The following TIGD6 variants were observed in gnomAD, a reference collection of about 807,000 sequenced individuals.
TIGD6 encodes tigger transposable element-derived protein 6.
TIGD6 carries 1 observed loss-of-function variant against 2.6 expected under a neutral mutation model. The ratio of observed to expected loss-of-function variants is 0.39; its 90% confidence interval spans 0.14 to 1.85. The LOEUF (loss-of-function observed/expected upper bound fraction) is 1.85, where lower values mean the gene tolerates loss of function less well. Among genes scored for constraint, TIGD6 ranks in the 40% most tolerant of loss-of-function variants. The pLI is 0.32. For synonymous variants in TIGD6, 193 were observed against 221.9 expected (o/e 0.87, Z 1.16); for missense variants, 601 against 634.2 (o/e 0.95, Z 0.56).
chr5:149,994,412 T>C lies in TIGD6; in HGVS notation c.*371A>G, dbSNP rs750295950. 12 of 157,718 alleles carry C rather than the reference T, an allele frequency of 7.6e-5. No homozygotes were observed. Among genetic ancestry groups the C allele is most frequent in the Non-Finnish European group, 1.5e-4 (11 of 71,982 alleles). 9.8% of individuals were successfully genotyped at this position (157,718 alleles called of 1,614,324 possible). On this transcript the variant is annotated 3_prime_UTR_variant, in exon 2 of 2. Coordinates refer to ENST00000296736, the MANE Select transcript of TIGD6 (RefSeq NM_030953.4). ...TTCAGTTTTCAAATTTGTCTGCACA[T>C]TGGAATCACCTGGAGAGCTTCAAAA... is the stretch of plus-strand genomic sequence containing the variant.
rs766485002 is a variant in TIGD6, at chr5:149,996,198, G to T, written c.151C>A (p.Arg51Ser). ...CGCACCTTTTCTTCAAATTTGGTGC[G>T]ATCCTTTAAGAATGTAGATAAAGTA... ...PSTLSTFLKD[R>S]TKFEEKVREA... Residue 51 changes from arginine (R) to serine (S), a missense_variant, in exon 2 of 2, where the codon CGC (arginine) becomes AGC (serine). Physicochemically the swap from Arg to Ser is moderately radical, Grantham distance 110 (BLOSUM62 -1). Coordinates refer to ENST00000296736, the MANE Select transcript of TIGD6 (RefSeq NM_030953.4). 6.2e-6 allele frequency: 10 copies of T among 1,614,038 alleles called. No individual in the cohort carries two copies. The highest frequency in any genetic ancestry group is 1.1e-5 in the South Asian group (1 of 91,080).
chr5:149,999,971 T>C (rs758482620), intron 1 of TIGD6: 3 of 154,452 alleles, frequency 1.9e-5, no homozygotes, highest in Admixed American at 6.5e-5. Flanking sequence ...GAATGGATTG[T>C]AGAGGGGATG....
In TIGD6 at chr5:149,993,987, A is replaced by G. The variant is rs1755318753; in HGVS notation, c.*796T>C. ...TAGTGCTTCCAGCAAATCAGCAGAA[A>G]GGAAAAAAGAGCTCTAGAGTAAGAA... On this transcript the variant is annotated 3_prime_UTR_variant, in exon 2 of 2. Coordinates refer to ENST00000296736, the MANE Select transcript of TIGD6 (RefSeq NM_030953.4). The G allele has an allele frequency of 6.6e-6, 1 of 152,252 alleles. No individual in the cohort carries two copies. Among genetic ancestry groups the G allele is most frequent in the South Asian group, 2.1e-4 (1 of 4,834 alleles). 9.4% of individuals were successfully genotyped at this position (152,252 alleles called of 1,614,324 possible).
intron 1 of TIGD6, chr5:150,000,120 A>G (rs1755505499): frequency 6.5e-6 from 1 of 154,524 alleles, no homozygotes; most frequent in Non-Finnish European, 1.5e-5. Flanking sequence ...AACTTGTGAC[A>G]CTGGAGAGAA....
At position 149,995,286 on chromosome 5, in the gene TIGD6, T is replaced by C. The variant is rs138578672; in HGVS notation, c.1063A>G (p.Met355Val). Reference protein sequence around the residue: ...EEVDIKQAIDMIAAAWWSVKP... With the variant: ...EEVDIKQAIDVIAAAWWSVKP... Reference sequence around the variant, plus strand: ...ACTGACCACCACGCTGCAGCAATCATGTCGATGGCCTGCTTGATGTCCACC... The same window carrying C: ...ACTGACCACCACGCTGCAGCAATCACGTCGATGGCCTGCTTGATGTCCACC... The change falls in exon 2 of 2, where the codon ATG becomes GTG. Residue 355 changes from methionine (M) to valine (V), a missense_variant. Physicochemically the swap from Met to Val is conservative, Grantham distance 21. Coordinates refer to ENST00000296736, the MANE Select transcript of TIGD6 (RefSeq NM_030953.4). The C allele has an allele frequency of 5.5e-5, 88 of 1,610,416 alleles. No individual in the cohort carries two copies. Among genetic ancestry groups the C allele is most frequent in the Non-Finnish European group, 7.0e-5 (83 of 1,178,736 alleles).
intron 1 of TIGD6, among the ~76,000 whole-genome samples, chr5:149,997,117 A>G (rs1755406700): frequency 6.6e-6 from 1 of 152,264 alleles, no homozygotes; most frequent in African/African-American, 2.4e-5. Flanking sequence ...TAAAGGAAAT[A>G]AAGACTATGA....
rs1755338697 is a variant in TIGD6, at chr5:149,994,886, T to C, written c.1463A>G (p.Asp488Gly). The change falls in exon 2 of 2, where the codon GAT becomes GGT. Residue 488 changes from aspartate to glycine, a missense_variant. Physicochemically the swap from Asp to Gly is moderately conservative, Grantham distance 94. Coordinates refer to ENST00000296736, the MANE Select transcript of TIGD6 (RefSeq NM_030953.4). ...QFLSTCVDIP[D>G]AIFGQLNGID... is the part of the protein sequence containing the mutation. ...GCCATTTAATTGTCCAAAAATGGCA[T>C]CAGGAATGTCTACACAAGTGGAAAG... 3 of 1,609,880 alleles carry C rather than the reference T, an allele frequency of 1.9e-6. No individual in the cohort carries two copies. Among genetic ancestry groups the C allele is most frequent in the Admixed American group, 3.3e-5 (2 of 59,764 alleles).
At chr5:149,997,390 T>G (rs530337115) in intron 1 of TIGD6, among the ~76,000 whole-genome samples, 1 of 151,804 alleles carries the variant, frequency 6.6e-6, no homozygotes, top group African/African-American at 2.4e-5. Context: ...ATACAAAAAT[T>G]AGCCGGGCGT....
chr5:149,994,834 C>T lies in TIGD6; in HGVS notation c.1515G>A (p.Val505=). 1.3e-6 allele frequency: 2 copies of T among 1,571,462 alleles called. No individual in the cohort carries two copies. Among genetic ancestry groups the T allele is most frequent in the Non-Finnish European group, 1.7e-6 (2 of 1,157,576 alleles). The change falls in exon 2 of 2, where the codon GTG becomes GTA. Residue 505 remains valine (V), a synonymous_variant. Coordinates refer to ENST00000296736, the MANE Select transcript of TIGD6 (RefSeq NM_030953.4). ...NGIDEYLMKR[V]TQTLIDSKIT... ...TTTTGGAATCAATAAGGGTTTGTGT[C>T]ACTCTTTTCATTAAATATTCATCTA... is the stretch of plus-strand genomic sequence containing the variant.
At position 149,995,914 on chromosome 5, in the gene TIGD6, C is replaced by G. The variant is rs936859088; in HGVS notation, c.435G>C (p.Arg145Ser). Residue 145 changes from arginine (R) to serine (S), a missense_variant, in exon 2 of 2, where the codon AGG becomes AGC. Arg to Ser is a moderately radical substitution (Grantham distance 110, BLOSUM62 -1). Coordinates refer to ENST00000296736, the MANE Select transcript of TIGD6 (RefSeq NM_030953.4). The part of the protein sequence containing the change: ...LKAVCREDSD[R>S]LMNGLGIDKI... ...TATCTATTCCTAGACCATTCATTAACCTGTCACTATCTTCTCTACAGACTG... is the reference window on the plus strand; with the variant it reads ...TATCTATTCCTAGACCATTCATTAAGCTGTCACTATCTTCTCTACAGACTG... 1.9e-6 allele frequency: 3 copies of G among 1,613,890 alleles called. No individual in the cohort carries two copies. The highest frequency in any genetic ancestry group is 1.7e-6 in the Non-Finnish European group (2 of 1,180,058).
Position 149,995,690 on chromosome 5 carries a change from C to T in TIGD6, c.659G>A (p.Gly220Glu). The T allele has an allele frequency of 2.5e-6, 4 of 1,614,146 alleles. No homozygotes were observed. The highest frequency in any genetic ancestry group is 3.4e-6 in the Non-Finnish European group (4 of 1,180,020). Residue 220 changes from glycine to glutamate, a missense_variant, in exon 2 of 2, where the codon GGG becomes GAG. Gly to Glu is a moderately conservative substitution (Grantham distance 98). Coordinates refer to ENST00000296736, the MANE Select transcript of TIGD6 (RefSeq NM_030953.4). ...LTALFCCNAS[G>E]TEKMRPLIVG... The stretch of plus-strand genomic sequence containing the variant: ...AATCAATGGTCTCATTTTTTCAGTC[C>T]CCGAGGCATTGCAACAAAAGAGTGC...
intron 1 of TIGD6, among the ~76,000 whole-genome samples, chr5:149,997,647 G>A (rs1755424678): frequency 6.6e-6 from 1 of 151,726 alleles, no homozygotes; most frequent in Non-Finnish European, 1.5e-5. Flanking sequence ...GACAAAGGTG[G>A]GTGGCCAGAC....
intron 1 of TIGD6, among the ~76,000 whole-genome samples, chr5:149,998,574 C>T (rs1299649569): frequency 1.3e-5 from 2 of 152,134 alleles, no homozygotes; most frequent in Non-Finnish European, 2.9e-5. Context: ...AACAAACAGT[C>T]CCCCTGCCCT....
rs887797413 is a variant in TIGD6, at chr5:149,993,790, G to C, written c.*993C>G. The C allele has an allele frequency of 1.3e-5, 2 of 152,304 alleles. No homozygotes were observed. The highest frequency in any genetic ancestry group is 2.9e-5 in the Non-Finnish European group (2 of 68,130). 9.4% of individuals were successfully genotyped at this position (152,304 alleles called of 1,614,324 possible). A position where few individuals can be genotyped will look rare whatever the true frequency, so the allele number is the denominator to read the frequency against. On this transcript the variant is annotated 3_prime_UTR_variant, in exon 2 of 2. Transcript: ENST00000296736. Reference sequence around the variant, plus strand: ...TTTCGTAAGGCCAGCATGGCAGTGTGCATCAGTAGTCCCATCTATTTGGGA... The same window carrying C: ...TTTCGTAAGGCCAGCATGGCAGTGTCCATCAGTAGTCCCATCTATTTGGGA...
chr5:149,994,730 T>C lies in TIGD6; in HGVS notation c.*53A>G. The C allele has an allele frequency of 1.4e-6, 2 of 1,463,572 alleles. No homozygotes were observed. The highest frequency in any genetic ancestry group is 9.1e-7 in the Non-Finnish European group (1 of 1,104,232). 90.7% of individuals were successfully genotyped at this position (1,463,572 alleles called of 1,614,324 possible). A position where few individuals can be genotyped will look rare whatever the true frequency, so the allele number is the denominator to read the frequency against. On this transcript the variant is annotated 3_prime_UTR_variant, in exon 2 of 2. Coordinates refer to ENST00000296736, the MANE Select transcript of TIGD6 (RefSeq NM_030953.4). ...TTACTTAAATTGGCTCAACAACCTA[T>C]CTAAAGAAATCTTTATTCTTGTAAA...
Position 149,994,287 on chromosome 5 carries a change from A to G in TIGD6, c.*496T>C, listed in dbSNP as rs1242807983. ...GCCTTGGGTTTTAACAAGCCTTCCA[A>G]GTGATTCTGATGTAAGCTAAATTTG... On this transcript the variant is annotated 3_prime_UTR_variant, in exon 2 of 2. Coordinates refer to ENST00000296736, the MANE Select transcript of TIGD6 (RefSeq NM_030953.4). 1 of 152,290 alleles carries G rather than the reference A, an allele frequency of 6.6e-6. No homozygotes were observed. Among genetic ancestry groups the G allele is most frequent in the Non-Finnish European group, 1.5e-5 (1 of 68,130 alleles). The allele number at this position is 152,290 out of a possible 1,614,324, so 9.4% of individuals were successfully genotyped here.
intron 1 of TIGD6, among the ~76,000 whole-genome samples, chr5:149,998,058 A>G (rs2113712741): frequency 6.6e-6 from 1 of 152,362 alleles, no homozygotes; most frequent in South Asian, 2.1e-4. Flanking sequence ...TGAACCCAGG[A>G]GGCGGAGGTT....
chr5:150,000,402 C>A (rs1268494360), intron 1 of TIGD6, 72 bp downstream of exon 1: 2 of 153,576 alleles, frequency 1.3e-5, no homozygotes, highest in African/African-American at 4.8e-5. Flanking sequence ...GGCTTCCCAG[C>A]GCCCGACGTG....
Position 149,995,658 on chromosome 5 carries a change from T to C in TIGD6, c.691A>G (p.Arg231Gly). 1 of 1,614,240 alleles carries C rather than the reference T, an allele frequency of 6.2e-7. No individual in the cohort carries two copies. Among genetic ancestry groups the C allele is most frequent in the South Asian group, 1.1e-5 (1 of 91,084 alleles). ...TEKMRPLIVG[R>G]SASPHCLKNI... ...TTGAGGCAGTGTGGGCTGGCTGACC[T>C]ACCAACAATCAATGGTCTCATTTTT... is the stretch of plus-strand genomic sequence containing the variant. Residue 231 changes from arginine (R) to glycine (G), a missense_variant, in exon 2 of 2, where the codon AGG (arginine) becomes GGG (glycine). Coordinates refer to ENST00000296736, the MANE Select transcript of TIGD6 (RefSeq NM_030953.4).
Sources: allele counts gnomAD v4.1 joint callset (sites outside exome capture counted in the v4.1 genomes callset), GRCh38; gene constraint gnomAD v4.1.1; transcripts MANE v1.5; gene names NCBI Gene and HGNC (gene_info 2026-07-23, HGNC 2026-07-21).